Variants in SYNE2 observed in about 807,000 individuals in gnomAD.
SYNE2 encodes the protein nesprin-2.
A neutral mutation model predicts 856.3 loss-of-function variants in SYNE2; 431 were observed. The ratio of observed to expected loss-of-function variants is 0.50; its 90% CI spans 0.47 to 0.55. The LOEUF (loss-of-function observed/expected upper bound fraction) is 0.55, where lower values mean the gene tolerates loss of function less well. Ranked by LOEUF, SYNE2 falls within the 20% of genes least tolerant of loss-of-function variation. The probability of loss-of-function intolerance (pLI) is 0.00; values close to 1 mark genes in which losing one functional copy is unlikely to be tolerated. For synonymous variants in SYNE2, 2,923 were observed against 2,872.3 expected (o/e 1.02, Z -0.56); for missense variants, 8,129 against 8,023.2 (o/e 1.01, Z -0.50).
chr14:63,801,105 T>C (rs1888111195), intron 1 of SYNE2, among the ~76,000 whole-genome samples: 1 of 152,198 alleles, frequency 6.6e-6, no homozygotes, highest in Non-Finnish European at 1.5e-5. Context: ...GTTTTTGAGC[T>C]CTATGCCTGA....
intron 57 of SYNE2, 76 bp downstream of exon 57, chr14:64,081,656 CT>C: frequency 2.0e-6 from 3 of 1,521,984 alleles, no homozygotes. Flanking sequence ...TGTCTTGGTG[CT>C]TTTTTCCTCC....
At chr14:64,190,919 A>G (rs764651552) in intron 99 of SYNE2, 211 of 700,164 alleles carry the variant, frequency 3.0e-4, no homozygotes, top group Non-Finnish European at 4.9e-4. Context: ...TCTAAAGACA[A>G]ACTCCAGGTG....
chr14:64,173,549 C>G (rs2098420625), intron 94 of SYNE2, among the ~76,000 whole-genome samples: 1 of 152,180 alleles, frequency 6.6e-6, no homozygotes, highest in East Asian at 1.9e-4. Context: ...AAAATGCCCA[C>G]ACTTTGTCTC....
Position 64,022,008 on chromosome 14 carries a change from A to C in SYNE2, c.5504A>C (p.His1835Pro). 1.9e-6 allele frequency: 3 copies of C among 1,613,764 alleles called. No homozygotes were observed. Among genetic ancestry groups the C allele is most frequent in the Non-Finnish European group, 2.5e-6 (3 of 1,179,846 alleles). Residue 1835 changes from histidine (H) to proline (P), a missense_variant, in exon 37 of 116, where the codon CAC becomes CCC. Around this residue, in one of 3 missense-constraint regions of SYNE2, gnomAD observed 2,422 missense variants for 2,357.4 expected, o/e 1.03. Coordinates refer to ENST00000555002, the MANE Select transcript of SYNE2 (RefSeq NM_182914.3). ...ACCAAAAAAAGTGTTTTGCAAGATC[A>C]CTTTTCTAAGTTATTGAATGGTGAG... Reference protein sequence around the residue: ...FNTKKSVLQDHFSKLLNDQCK... With the variant: ...FNTKKSVLQDPFSKLLNDQCK...
At chr14:64,116,516 C>G (rs1458152760) in intron 66 of SYNE2, among the ~76,000 whole-genome samples, 1 of 152,144 alleles carries the variant, frequency 6.6e-6, no homozygotes, top group Non-Finnish European at 1.5e-5. Flanking sequence ...CTCCTGGGTT[C>G]AAGTGATTCT....
At position 64,053,298 on chromosome 14, in the gene SYNE2, G is replaced by A. The variant is rs746713346; in HGVS notation, c.9385G>A (p.Glu3129Lys). The change falls in exon 48 of 116, where the codon GAA (glutamate) becomes AAA (lysine). Residue 3129 changes from glutamate (E) to lysine (K), a missense_variant. Glu to Lys is a moderately conservative substitution (Grantham distance 56, BLOSUM62 1). Transcript: ENST00000555002. ...ACTACAAATAAAGCTGAATGCAGAA[G>A]AAAATGATAAGTTATACAAAGTTCT... is the stretch of plus-strand genomic sequence containing the variant. ...EILQIKLNAE[E>K]NDKLYKVLQN... 3 of 1,608,284 alleles carry A rather than the reference G, an allele frequency of 1.9e-6. No individual in the cohort carries two copies. The South Asian group carries it at 3.4e-5, about 18-fold the overall frequency.
intron 48 of SYNE2, among the ~76,000 whole-genome samples, 158 bp downstream of exon 48, chr14:64,053,815 A>T (rs548950219): frequency 6.6e-6 from 1 of 152,302 alleles, no homozygotes; most frequent in East Asian, 1.9e-4. Context: ...AATACAAAAA[A>T]AAAATTAGCT....
chr14:64,191,718 T>G (rs1408404781), intron 99 of SYNE2, among the ~76,000 whole-genome samples: 1 of 152,156 alleles, frequency 6.6e-6, no homozygotes, highest in Non-Finnish European at 1.5e-5. Flanking sequence ...ATTAGGGGGA[T>G]TTGGCTGGCA....
intron 51 of SYNE2, among the ~76,000 whole-genome samples, chr14:64,068,256 A>G (rs918132660): frequency 6.6e-6 from 1 of 152,198 alleles, no homozygotes; most frequent in African/African-American, 2.4e-5. Context: ...CTGTCACCCT[A>G]GAAGTTTCCC....
intron 1 of SYNE2, among the ~76,000 whole-genome samples, chr14:63,885,874 A>T (rs2094972012): frequency 6.6e-6 from 1 of 152,244 alleles, no homozygotes; most frequent in African/African-American, 2.4e-5. Context: ...GGTCATCGAG[A>T]TGAAGGACAG....
At chr14:64,166,666 C>T (rs777032840) in intron 90 of SYNE2, 4 of 166,288 alleles carry the variant, frequency 2.4e-5, no homozygotes, top group South Asian at 3.1e-4. Context: ...GCATGTTAGG[C>T]TGGGTGCAGT....
At chr14:63,783,059 C>T (rs1418701100) in intron 1 of SYNE2, among the ~76,000 whole-genome samples, 1 of 152,100 alleles carries the variant, frequency 6.6e-6, no homozygotes, top group Non-Finnish European at 1.5e-5. Flanking sequence ...TTGGCTGTGT[C>T]ACCACTCAAA....
intron 61 of SYNE2, among the ~76,000 whole-genome samples, chr14:64,096,144 A>T (rs569229310): frequency 6.6e-6 from 1 of 152,248 alleles, no homozygotes; most frequent in African/African-American, 2.4e-5. Context: ...TCTGTTCTTT[A>T]TAAGTTACCC....
intron 92 of SYNE2, 67 bp downstream of exon 92, chr14:64,167,706 TA>T: frequency 6.2e-7 from 1 of 1,606,050 alleles, no homozygotes. Flanking sequence ...AAGATAGCTT[TA>T]AATAAAACAC....
At chr14:63,980,116 A>G (rs1483255674) in intron 14 of SYNE2, among the ~76,000 whole-genome samples, 1 of 152,194 alleles carries the variant, frequency 6.6e-6, no homozygotes, top group Non-Finnish European at 1.5e-5. Context: ...TTTTCTATTT[A>G]AATATTCATA....
chr14:64,003,920 G>A (rs1161460169), intron 30 of SYNE2, among the ~76,000 whole-genome samples: 1 of 152,176 alleles, frequency 6.6e-6, no homozygotes. Flanking sequence ...TTTAATTCCA[G>A]CATTTGGAAT....
At chr14:64,034,189 G>C (rs1219680154) in intron 45 of SYNE2, among the ~76,000 whole-genome samples, 3 of 152,106 alleles carry the variant, frequency 2.0e-5, no homozygotes, top group African/African-American at 4.8e-5. Flanking sequence ...GACACATAAA[G>C]GCACAGTTTA....
chr14:63,820,245 G>A (rs1307358390), intron 1 of SYNE2, among the ~76,000 whole-genome samples: 2 of 152,086 alleles, frequency 1.3e-5, no homozygotes, highest in Non-Finnish European at 1.5e-5. Context: ...GGCAAATAGG[G>A]CAAGTAGAAA....
chr14:63,837,745 CT>C (rs1342675092), intron 1 of SYNE2, among the ~76,000 whole-genome samples: 4 of 144,944 alleles, frequency 2.8e-5, no homozygotes, highest in African/African-American at 9.8e-5. Flanking sequence ...TAAGACCCCC[CT>C]GTCTCTACAA....
Sources: gnomAD v4.1 joint callset for allele counts (sites outside exome capture counted in the v4.1 genomes callset) on GRCh38, gnomAD v4.1.1 for gene constraint, gnomAD v4.1.1 regional missense constraint, MANE v1.5 for transcripts, NCBI Gene and HGNC (gene_info 2026-07-23, HGNC 2026-07-21) for gene names.